Variants in SCRIB observed in about 807,000 individuals in gnomAD.
SCRIB encodes scribble planar cell polarity protein, also known as protein scribble homolog.
SCRIB carries 72 observed loss-of-function variants against 170.0 expected under a neutral mutation model. The observed-to-expected ratio is 0.42, with a 90% CI of 0.35 to 0.52. The LOEUF is 0.52. Among genes scored for constraint, SCRIB ranks in the 20% least tolerant of loss-of-function variants. The pLI, the probability that SCRIB is intolerant of heterozygous loss-of-function variation, is 0.02. For missense variants in SCRIB, 2,475 were observed against 2,338.5 expected (o/e 1.06, Z -1.20); for synonymous variants, 1,298 against 1,044.3 (o/e 1.24, Z -4.68).
chr8:143,801,152 G>T (rs1012887798), intron 24 of SCRIB, among the ~76,000 whole-genome samples: 2 of 152,228 alleles, frequency 1.3e-5, no homozygotes, highest in Non-Finnish European at 2.9e-5. Context: ...ACACAATGAG[G>T]CCACATTTCC....
chr8:143,803,487 C>T lies in SCRIB; in HGVS notation c.3499G>A (p.Gly1167Ser), dbSNP rs781830463. Reference sequence around the variant, plus strand: ...TGCACCGCCTCGCCGTGCGTCAGGCCCAGCAGGCTCTGCTGGTTCACCTCC... The same window carrying T: ...TGCACCGCCTCGCCGTGCGTCAGGCTCAGCAGGCTCTGCTGGTTCACCTCC... ...LLEVNQQSLL[G>S]LTHGEAVQLL... Residue 1167 changes from glycine to serine, a missense_variant, in exon 24 of 37, where the codon GGC becomes AGC. Around this residue, in one of 3 missense-constraint regions of SCRIB, gnomAD observed 1,966 missense variants for 1,742.9 expected, o/e 1.13. Transcript: ENST00000356994. The T allele has an allele frequency of 6.2e-7, 1 of 1,601,454 alleles. No individual in the cohort carries two copies. The highest frequency in any genetic ancestry group is 8.5e-7 in the Non-Finnish European group (1 of 1,179,354).
Position 143,813,520 on chromosome 8 carries a change from G to A in SCRIB, c.453C>T (p.Ala151=). The change falls in exon 5 of 37, where the codon GCC becomes GCT. Residue 151 remains alanine (A), a synonymous_variant. Transcript: ENST00000356994. Reference sequence around the variant, plus strand: ...CCCGGAGCTCCAGGGTCACCAGGTTGGCGAGGCTGAAAGAGAGACCAGGCG... The same window carrying A: ...CCCGGAGCTCCAGGGTCACCAGGTTAGCGAGGCTGAAAGAGAGACCAGGCG... ...QALPGDVGNL[A]NLVTLELREN... is the part of the protein sequence containing the mutation. 1.2e-6 allele frequency: 2 copies of A among 1,613,262 alleles called. No individual in the cohort carries two copies. The highest frequency in any genetic ancestry group is 1.7e-6 in the Non-Finnish European group (2 of 1,179,984).
intron 24 of SCRIB, among the ~76,000 whole-genome samples, chr8:143,801,065 G>A (rs929072614): frequency 2.6e-5 from 4 of 152,248 alleles, no homozygotes; most frequent in African/African-American, 7.2e-5. Context: ...ATTTAAATGC[G>A]TGGCATTGGC....
intron 15 of SCRIB, among the ~76,000 whole-genome samples, chr8:143,808,335 G>T (rs991143965): frequency 2.0e-5 from 3 of 152,198 alleles, no homozygotes; most frequent in Non-Finnish European, 2.9e-5. Flanking sequence ...CATGGACTGA[G>T]ACCAACGCCA....
Position 143,791,928 on chromosome 8 carries a change from AGC to A in SCRIB, c.4658-17_4658-16del. On this transcript the variant is annotated splice_polypyrimidine_tract_variant and intron_variant, in intron 33 of 36. Coordinates refer to ENST00000356994, the MANE Select transcript of SCRIB (RefSeq NM_182706.5). ...GGGGCCGAGGTCTGGGGGGACAAGA[AGC>A]GGGCATTGGAAGCAGCCCATGCGGC... is the stretch of plus-strand genomic sequence containing the variant. 2 of 1,513,490 alleles carry A rather than the reference AGC, an allele frequency of 1.3e-6. No homozygotes were observed. Among genetic ancestry groups the A allele is most frequent in the South Asian group, 2.6e-5 (2 of 76,258 alleles). The allele number at this position is 1,513,490 out of a possible 1,614,324, so 93.8% of individuals were successfully genotyped here.
intron 15 of SCRIB, among the ~76,000 whole-genome samples, chr8:143,808,108 CAA>C (rs558972896): frequency 2.1e-3 from 314 of 152,284 alleles, no homozygotes; most frequent in African/African-American, 7.2e-3. Context: ...GTGCCCAACA[CAA>C]GAGAGGATCC....
chr8:143,813,504 C>T lies in SCRIB; in HGVS notation c.469G>A (p.Glu157Lys). Residue 157 changes from glutamate to lysine, a missense_variant, in exon 5 of 37, where the codon GAG becomes AAG. Coordinates refer to ENST00000356994, the MANE Select transcript of SCRIB (RefSeq NM_182706.5). ...VGNLANLVTL[E>K]LRENLLKSLP... Reference sequence around the variant, plus strand: ...GACTTGAGCAGGTTCTCCCGGAGCTCCAGGGTCACCAGGTTGGCGAGGCTG... The same window carrying T: ...GACTTGAGCAGGTTCTCCCGGAGCTTCAGGGTCACCAGGTTGGCGAGGCTG... 1 of 1,613,196 alleles carries T rather than the reference C, an allele frequency of 6.2e-7. No homozygotes were observed. The highest frequency in any genetic ancestry group is 1.1e-5 in the South Asian group (1 of 91,088).
intron 16 of SCRIB, 30 bp downstream of exon 16, chr8:143,807,522 C>T (rs782112820): frequency 1.3e-5 from 20 of 1,588,926 alleles, no homozygotes; most frequent in African/African-American, 1.2e-4. Context: ...AGCAGCGGCC[C>T]GGCCAGAGTG....
chr8:143,804,187 C>T (rs1409274269), intron 21 of SCRIB, 31 bp from the exon 22 acceptor site: 1 of 1,521,434 alleles, frequency 6.6e-7, no homozygotes, highest in Non-Finnish European at 9.0e-7. Context: ...AAGGACAGGC[C>T]TCGGTCAGGA....
chr8:143,815,430 G>T lies in SCRIB; in HGVS notation c.-58C>A. On this transcript the variant is annotated 5_prime_UTR_variant, in exon 1 of 37. Transcript: ENST00000356994. ...GCGCTCGGCGGGCTCGGGGCCGGGG[G>T]GCGGGGCTCAGTCCGCATGGGCGCC... 2 of 1,215,370 alleles carry T rather than the reference G, an allele frequency of 1.6e-6. No homozygotes were observed. The highest frequency in any genetic ancestry group is 7.0e-5 in the South Asian group (2 of 28,564). The allele number at this position is 1,215,370 out of a possible 1,614,324, so 75.3% of individuals were successfully genotyped here. A position where few individuals can be genotyped will look rare whatever the true frequency, so the allele number is the denominator to read the frequency against.
intron 1 of SCRIB, 81 bp from the exon 2 acceptor site, chr8:143,814,199 A>T: frequency 4.2e-6 from 5 of 1,179,300 alleles, no homozygotes; most frequent in South Asian, 1.3e-5. Context: ...GAGTGTCACA[A>T]GTCAAGAGTC....
At position 143,791,436 on chromosome 8, in the gene SCRIB, G is replaced by A. The variant is rs149841848; in HGVS notation, c.4775C>T (p.Pro1592Leu). Reference protein sequence around the residue: ...SSRPVYDIQSPDFAEELRSLE... With the variant: ...SSRPVYDIQSLDFAEELRSLE... ...GGACCTCAACTCCTCAGCAAAGTCC[G>A]GTGACTGTGATGGGGAGAGTGTTGG... The change falls in exon 36 of 37, where the codon CCG becomes CTG. Residue 1592 changes from proline (P) to leucine (L), a missense_variant. Physicochemically the swap from Pro to Leu is moderately conservative, Grantham distance 98. Around this residue, in one of 3 missense-constraint regions of SCRIB, gnomAD observed 1,966 missense variants for 1,742.9 expected, o/e 1.13. Transcript: ENST00000356994. 282 of 1,610,684 alleles carry A rather than the reference G, an allele frequency of 1.8e-4. No individual in the cohort carries two copies. In the African/African-American group the frequency reaches 2.5e-3, roughly 14 times the overall value.
At chr8:143,797,284 A>G (rs1173099328) in intron 24 of SCRIB, among the ~76,000 whole-genome samples, 7 of 152,252 alleles carry the variant, frequency 4.6e-5, no homozygotes, top group Non-Finnish European at 1.0e-4. Context: ...CCATGAAATA[A>G]AATGGAAGCT....
rs376658629 is a variant in SCRIB at position 143,791,352 on chromosome 8, G to A, written c.4822+37C>T. On this transcript the variant is annotated intron_variant, in intron 36 of 36. Transcript: ENST00000356994. ...TGGGCAGTGAGCTGAGGGCAGCTGG[G>A]CTCCTGGGAGCTCACCCCAGCCCGG... 9.4e-6 allele frequency: 15 copies of A among 1,598,170 alleles called. No individual in the cohort carries two copies. In the African/African-American group the frequency reaches 1.5e-4, roughly 16 times the overall value.
At position 143,793,021 on chromosome 8, in the gene SCRIB, G is replaced by A. The variant is rs372252169; in HGVS notation, c.3972C>T (p.Phe1324=). ...PANVKQAYRA[F]AAVPTSHPPE... is the part of the protein sequence containing the mutation. ...GCGGGTGAGAAGTGGGCACGGCCGC[G>A]AAGGCCCTGTAGGCCTGCTTCACAT... Residue 1324 remains phenylalanine (F), a synonymous_variant, in exon 29 of 37, where the codon TTC becomes TTT. Transcript: ENST00000356994. 229 of 1,515,468 alleles carry A rather than the reference G, an allele frequency of 1.5e-4. 2 individuals are homozygous for A. Among genetic ancestry groups the A allele is most frequent in the South Asian group, 1.5e-3 (115 of 79,176 alleles). The allele number at this position is 1,515,468 out of a possible 1,614,324, so 93.9% of individuals were successfully genotyped here. A position where few individuals can be genotyped will look rare whatever the true frequency, so the allele number is the denominator to read the frequency against.
chr8:143,807,689 G>A (rs1815491603), intron 15 of SCRIB, 75 bp from the exon 16 acceptor site: 13 of 1,169,502 alleles, frequency 1.1e-5, no homozygotes, highest in African/African-American at 7.5e-5. Flanking sequence ...CCCAGCCCCC[G>A]CCACAAGCAG....
At chr8:143,805,466 G>A (rs1236675723) in intron 18 of SCRIB, 31 bp from the exon 19 acceptor site, 4 of 1,446,786 alleles carry the variant, frequency 2.8e-6, no homozygotes, top group Admixed American at 2.5e-5. Flanking sequence ...GCGTATTCAG[G>A]ACCCAGTGCC....
chr8:143,802,956 A>G (rs1815234751), intron 24 of SCRIB, among the ~76,000 whole-genome samples: 1 of 152,198 alleles, frequency 6.6e-6, no homozygotes, highest in Admixed American at 6.5e-5. Flanking sequence ...GCAAGGTGCC[A>G]CTAGGCACAG....
At chr8:143,805,829 C>T (rs1302487959) in intron 18 of SCRIB, among the ~76,000 whole-genome samples, 4 of 152,218 alleles carry the variant, frequency 2.6e-5, no homozygotes, top group South Asian at 2.1e-4. Flanking sequence ...GCAGTTCCCA[C>T]GCAAAGGTCA....
Sources: allele counts gnomAD v4.1 joint callset (sites outside exome capture counted in the v4.1 genomes callset), GRCh38; gene constraint gnomAD v4.1.1; regional missense constraint gnomAD v4.1.1; transcripts MANE v1.5; gene names NCBI Gene and HGNC (gene_info 2026-07-23, HGNC 2026-07-21).